GRM7: variants seen among roughly 807,000 people sequenced by gnomAD.
GRM7 encodes the protein metabotropic glutamate receptor 7.
A neutral mutation model predicts 84.5 loss-of-function variants in GRM7; 35 were observed. The observed-to-expected ratio is 0.41, with a 90% CI of 0.32 to 0.55. GRM7 has a LOEUF of 0.55. Ranked by LOEUF, GRM7 falls within the 20% of genes least tolerant of loss-of-function variation. The pLI, the probability that GRM7 is intolerant of heterozygous loss-of-function variation, is 0.19. For synonymous variants in GRM7, 487 were observed against 455.1 expected (o/e 1.07, Z -0.89); for missense variants, 1,003 against 1,194.6 (o/e 0.84, Z 2.36).
At chr3:7,410,135 G>A (rs1158224569) in intron 4 of GRM7, among the ~76,000 whole-genome samples, 4 of 152,134 alleles carry the variant, frequency 2.6e-5, no homozygotes, top group African/African-American at 9.7e-5. Flanking sequence ...GTAAGCTGAA[G>A]AGCTCAGGCC....
intron 1 of GRM7, among the ~76,000 whole-genome samples, chr3:6,921,698 T>C (rs1394303433): frequency 6.6e-6 from 1 of 152,132 alleles, no homozygotes; most frequent in African/African-American, 2.4e-5. Context: ...GAAATGGGTG[T>C]TGAAGGTTCC....
In GRM7 at chr3:6,862,875, CCGGAGGGAGA is replaced by C; in HGVS notation, c.519+974_519+983del. The C allele has an allele frequency of 2.5e-6, 1 of 398,240 alleles. No homozygotes were observed. Among genetic ancestry groups the C allele is most frequent in the Non-Finnish European group, 5.1e-6 (1 of 197,672 alleles). 24.7% of individuals were successfully genotyped at this position (398,240 alleles called of 1,614,324 possible). On this transcript the variant is annotated intron_variant, in intron 1 of 9. Coordinates refer to ENST00000357716, the MANE Select transcript of GRM7 (RefSeq NM_000844.4). The surrounding 1 kb of genome is among the most constrained non-coding windows in gnomAD (Gnocchi z 5.2). Reference sequence around the variant, plus strand: ...GCCCCGTGGTCCTCCTGCTCCGGTGCCGGAGGGAGACGGAGAAAAAATGGGAGGAAGGCGG... The same window carrying C: ...GCCCCGTGGTCCTCCTGCTCCGGTGCCGGAGAAAAAATGGGAGGAAGGCGG...
chr3:7,302,538 T>C (rs1353287834), intron 3 of GRM7, among the ~76,000 whole-genome samples: 1 of 152,160 alleles, frequency 6.6e-6, no homozygotes, highest in Middle Eastern at 3.2e-3. Context: ...CCCAAACATG[T>C]TAATAAAAAT....
intron 4 of GRM7, among the ~76,000 whole-genome samples, chr3:7,353,644 C>T (rs1693257435): frequency 6.6e-6 from 1 of 152,138 alleles, no homozygotes; most frequent in Non-Finnish European, 1.5e-5. Context: ...CACCAATCCA[C>T]TGAGAAATAG....
chr3:7,230,041 G>A (rs1161429225), intron 2 of GRM7, among the ~76,000 whole-genome samples: 2 of 150,918 alleles, frequency 1.3e-5, no homozygotes, highest in African/African-American at 2.4e-5. Context: ...GGGTTTCACC[G>A]TGTTAGCCAG....
At chr3:7,034,375 A>G (rs1382772426) in intron 1 of GRM7, among the ~76,000 whole-genome samples, 2 of 152,142 alleles carry the variant, frequency 1.3e-5, no homozygotes, top group African/African-American at 4.8e-5. Context: ...GTTTTAAACT[A>G]CTGTAATACC....
intron 8 of GRM7, among the ~76,000 whole-genome samples, chr3:7,606,073 G>A (rs1314447014): frequency 6.6e-6 from 1 of 152,222 alleles, no homozygotes; most frequent in Non-Finnish European, 1.5e-5. Context: ...GTTATGTGCA[G>A]TGAAGACAGT....
At position 7,306,596 on chromosome 3, in the gene GRM7, A is replaced by G. The variant is rs773975669; in HGVS notation, c.977A>G (p.His326Arg). ...WGSKINPLHQ[H>R]EDIAEGAITI... ...TCCAAAATAAACCCACTGCACCAGCATGAAGATATCGCAGAAGGGGCCATC... is the reference window on the plus strand; with the variant it reads ...TCCAAAATAAACCCACTGCACCAGCGTGAAGATATCGCAGAAGGGGCCATC... Residue 326 changes from histidine to arginine, a missense_variant, in exon 4 of 10, where the codon CAT becomes CGT. By Grantham distance (29) the His-to-Arg change is conservative. This residue lies in a region of GRM7 where 910 missense variants were observed against 1,126.0 expected (regional missense o/e 0.81). Coordinates refer to ENST00000357716, the MANE Select transcript of GRM7 (RefSeq NM_000844.4). 1 of 1,613,662 alleles carries G rather than the reference A, an allele frequency of 6.2e-7. No homozygotes were observed. The highest frequency in any genetic ancestry group is 8.5e-7 in the Non-Finnish European group (1 of 1,179,750).
intron 1 of GRM7, among the ~76,000 whole-genome samples, chr3:7,096,541 C>CA (rs919758241): frequency 6.6e-6 from 1 of 152,112 alleles, no homozygotes; most frequent in African/African-American, 2.4e-5. Flanking sequence ...TCCAGTGCAT[C>CA]AATGTGTTCA....
intron 1 of GRM7, among the ~76,000 whole-genome samples, chr3:6,908,140 A>G (rs1188143590): frequency 6.6e-6 from 1 of 152,230 alleles, no homozygotes; most frequent in African/African-American, 2.4e-5. Flanking sequence ...CAGAATCTTG[A>G]GAAAGTGGAA....
At chr3:7,619,251 T>A (rs534293557) in intron 8 of GRM7, among the ~76,000 whole-genome samples, 8 of 152,254 alleles carry the variant, frequency 5.3e-5, no homozygotes, top group Admixed American at 6.5e-5. Context: ...CAATTTAGGT[T>A]ATCAACATAA....
At chr3:7,439,844 G>C (rs13093787) in intron 5 of GRM7, among the ~76,000 whole-genome samples, 52,850 of 151,620 alleles carry the variant, frequency 0.35, 10,674 homozygotes, top group Non-Finnish European at 0.48. Flanking sequence ...AGTCAATGTG[G>C]ATTTGGAGTT....
At chr3:7,048,408 A>G (rs1696876401) in intron 1 of GRM7, among the ~76,000 whole-genome samples, 1 of 151,984 alleles carries the variant, frequency 6.6e-6, no homozygotes. Context: ...TTCACATTAA[A>G]TAATAGTAAA....
intron 1 of GRM7, among the ~76,000 whole-genome samples, chr3:6,995,987 C>T (rs1694814161): frequency 6.6e-6 from 1 of 152,178 alleles, no homozygotes; most frequent in African/African-American, 2.4e-5. Context: ...ATGCTCACTT[C>T]ATGAAAACGC....
At chr3:7,369,436 A>G (rs1694044124) in intron 4 of GRM7, among the ~76,000 whole-genome samples, 1 of 151,090 alleles carries the variant, frequency 6.6e-6, no homozygotes, top group Non-Finnish European at 1.5e-5. Context: ...TCCCAGAAAG[A>G]TGAGTCTCAC....
At chr3:7,143,810 A>G (rs1430537047) in intron 1 of GRM7, among the ~76,000 whole-genome samples, 1 of 152,192 alleles carries the variant, frequency 6.6e-6, no homozygotes, top group Non-Finnish European at 1.5e-5. Context: ...CATTTCCACA[A>G]GTTGAAATTG....
At chr3:7,026,969 T>C (rs1696005955) in intron 1 of GRM7, among the ~76,000 whole-genome samples, 1 of 152,240 alleles carries the variant, frequency 6.6e-6, no homozygotes, top group Non-Finnish European at 1.5e-5. Flanking sequence ...TCTCTTGAGC[T>C]TTCAAGCCTC....
chr3:7,148,982 GTATT>G (rs1357339067), intron 2 of GRM7, among the ~76,000 whole-genome samples: 4 of 152,006 alleles, frequency 2.6e-5, no homozygotes, highest in African/African-American at 7.2e-5. Context: ...TTTATAATAA[GTATT>G]TAATAAGTAT....
At chr3:7,072,271 A>G (rs1697911663) in intron 1 of GRM7, among the ~76,000 whole-genome samples, 1 of 152,186 alleles carries the variant, frequency 6.6e-6, no homozygotes, top group Admixed American at 6.6e-5. Flanking sequence ...TCTGTCATAC[A>G]TGAGGTTCTG....
Sources: gnomAD v4.1 joint callset for allele counts (sites outside exome capture counted in the v4.1 genomes callset) on GRCh38, gnomAD v4.1.1 for gene constraint, gnomAD v4.1.1 regional missense constraint, Gnocchi (gnomAD v3.1) non-coding constraint, MANE v1.5 for transcripts, NCBI Gene and HGNC (gene_info 2026-07-23, HGNC 2026-07-21) for gene names.